Variants in SYNE1 observed in about 807,000 individuals in gnomAD.
SYNE1 encodes spectrin repeat containing nuclear envelope protein 1, also known as nesprin-1.
In SYNE1, 616 loss-of-function variants were observed where a neutral mutation model predicts 1,111.0. That is an observed-to-expected ratio of 0.55 (90% CI 0.52 to 0.59). The LOEUF (loss-of-function observed/expected upper bound fraction) is 0.59, where lower values mean the gene tolerates loss of function less well. Ranked by LOEUF, SYNE1 falls within the 20% of genes least tolerant of loss-of-function variation. The pLI, the probability that SYNE1 is intolerant of heterozygous loss-of-function variation, is 0.00. For synonymous variants in SYNE1, 3,855 were observed against 3,825.8 expected (o/e 1.01, Z -0.28); for missense variants, 10,006 against 10,417.0 (o/e 0.96, Z 1.72).
At chr6:152,173,437 T>C (rs1335644131) in intron 130 of SYNE1, among the ~76,000 whole-genome samples, 1 of 152,144 alleles carries the variant, frequency 6.6e-6, no homozygotes, top group African/African-American at 2.4e-5. Context: ...ATACACTGGG[T>C]TATATTTTGC....
chr6:152,315,905 T>TGATC (rs1332913521), intron 87 of SYNE1: 1 of 152,208 alleles, frequency 6.6e-6, no homozygotes, highest in Non-Finnish European at 1.5e-5. Context: ...AATGAGGCTT[T>TGATC]GATCTAGAAC....
intron 4 of SYNE1, among the ~76,000 whole-genome samples, chr6:152,528,610 G>C (rs2099177986): frequency 6.6e-6 from 1 of 152,156 alleles, no homozygotes; most frequent in Admixed American, 6.6e-5. Flanking sequence ...AGTGCTGAAG[G>C]TCAAAAGGGA....
At chr6:152,495,087 C>T (rs2098991876) in intron 11 of SYNE1, among the ~76,000 whole-genome samples, 1 of 152,160 alleles carries the variant, frequency 6.6e-6, no homozygotes, top group Admixed American at 6.5e-5. Flanking sequence ...GCCACTAGCC[C>T]TCCTCTTAGA....
chr6:152,621,546 T>G (rs1469057258), intron 3 of SYNE1, among the ~76,000 whole-genome samples: 1 of 152,028 alleles, frequency 6.6e-6, no homozygotes, highest in Non-Finnish European at 1.5e-5. Context: ...GATTTACATT[T>G]GACTGCTTGC....
At chr6:152,224,363 T>C in intron 117 of SYNE1, 131 bp downstream of exon 117, 1 of 932,936 alleles carries the variant, frequency 1.1e-6, no homozygotes, top group Non-Finnish European at 1.6e-6. Context: ...AAAATTAATT[T>C]TAAAGATCTT....
chr6:152,323,557 G>A lies in SYNE1; in HGVS notation c.15838C>T (p.Gln5280Ter). The A allele has an allele frequency of 3.7e-6, 6 of 1,614,232 alleles. No individual in the cohort carries two copies. The highest frequency in any genetic ancestry group is 5.1e-6 in the Non-Finnish European group (6 of 1,180,042). Residue 5280 changes from glutamine to a stop codon, truncating the protein, a stop_gained, in exon 82 of 146, where the codon CAG becomes TAG. Transcript: ENST00000367255. LOFTEE classifies it high-confidence loss of function. The part of the protein sequence containing the change: ...MLRQQTLSML[Q>*]DGAAPTPGEE... ...CCAGGGGTTGGGGCGGCTCCATCCT[G>A]GAGCATGCTCAGGGTTTGCTGCCGC...
intron 27 of SYNE1, among the ~76,000 whole-genome samples, chr6:152,449,998 G>C (rs2154249479): frequency 6.6e-6 from 1 of 152,320 alleles, no homozygotes; most frequent in Non-Finnish European, 1.5e-5. Context: ...TTAGGGATAT[G>C]AGATTATACA....
At chr6:152,554,293 C>T (rs2099357873) in intron 3 of SYNE1, among the ~76,000 whole-genome samples, 1 of 152,094 alleles carries the variant, frequency 6.6e-6, no homozygotes, top group Non-Finnish European at 1.5e-5. Flanking sequence ...GTTCGATACA[C>T]TGCATTCAAA....
intron 6 of SYNE1, among the ~76,000 whole-genome samples, chr6:152,513,353 A>ATT (rs371505304): frequency 6.6e-6 from 1 of 151,528 alleles, no homozygotes; most frequent in African/African-American, 2.4e-5. Context: ...ATCTAATCAG[A>ATT]TTTTTCTTTT....
intron 25 of SYNE1, 39 bp downstream of exon 25, chr6:152,453,547 A>G: frequency 1.9e-6 from 3 of 1,614,146 alleles, no homozygotes; most frequent in Non-Finnish European, 2.5e-6. Context: ...TTCTCCCTTC[A>G]TTGAGGATGC....
chr6:152,430,253 C>T (rs367950172), intron 35 of SYNE1, 43 bp from the exon 36 acceptor site: 24 of 1,467,260 alleles, frequency 1.6e-5, no homozygotes, highest in South Asian at 2.4e-5. Flanking sequence ...GGGAAAGATA[C>T]ATAGCAAGAC....
Position 152,360,208 on chromosome 6 carries a change from G to A in SYNE1, c.10300-750C>T, listed in dbSNP as rs73784330. Among the ~76,000 whole-genome samples, 729 of 152,262 alleles carry A rather than the reference G, an allele frequency of 4.8e-3. 6 individuals carry two copies. The highest frequency in any genetic ancestry group is 0.017 in the African/African-American group (691 of 41,552). ...GATCAAGTGGAAAATCCTCAGAGCA[G>A]CTGGCATGGCAATGGAGGATCAGGC... On this transcript the variant is annotated intron_variant, in intron 64 of 145. Transcript: ENST00000367255.
chr6:152,558,619 AG>A (rs1420450385), intron 3 of SYNE1, among the ~76,000 whole-genome samples: 2 of 152,210 alleles, frequency 1.3e-5, no homozygotes, highest in African/African-American at 4.8e-5. Flanking sequence ...TAATGACAAA[AG>A]GATCAATTCA....
intron 74 of SYNE1, among the ~76,000 whole-genome samples, chr6:152,342,398 T>C (rs1038284296): frequency 6.6e-6 from 1 of 152,218 alleles, no homozygotes; most frequent in Non-Finnish European, 1.5e-5. Flanking sequence ...AATAAAAAAG[T>C]AGAATATAGG....
chr6:152,337,049 C>T lies in SYNE1; in HGVS notation c.12352-32G>A, dbSNP rs750429876. The T allele has an allele frequency of 2.0e-5, 32 of 1,603,076 alleles. 1 individual carries two copies. The Admixed American group carries it at 4.8e-4, about 24-fold the overall frequency. On this transcript the variant is annotated intron_variant, in intron 75 of 145. Coordinates refer to ENST00000367255, the MANE Select transcript of SYNE1 (RefSeq NM_182961.4). ...AAAACACAGAGATAAAAGTTAGCAA[C>T]CATACATGGAAACATTTATGGTTAA... is the stretch of plus-strand genomic sequence containing the variant.
At chr6:152,582,673 G>A (rs1465926924) in intron 3 of SYNE1, among the ~76,000 whole-genome samples, 1 of 151,896 alleles carries the variant, frequency 6.6e-6, no homozygotes, top group South Asian at 2.1e-4. Context: ...GGCTTCTAGT[G>A]TACCCATTAC....
At chr6:152,170,853 A>T (rs2065022945) in intron 130 of SYNE1, among the ~76,000 whole-genome samples, 1 of 152,126 alleles carries the variant, frequency 6.6e-6, no homozygotes, top group African/African-American at 2.4e-5. Context: ...TAGCTCCCAC[A>T]ATTCCTATGC....
intron 37 of SYNE1, 39 bp downstream of exon 37, chr6:152,428,166 A>G (rs150587471): frequency 6.2e-7 from 1 of 1,609,236 alleles, no homozygotes; most frequent in East Asian, 2.2e-5. Flanking sequence ...AGAATTTCCT[A>G]TTTAGTAGTG....
chr6:152,152,167 T>C (rs772825537), intron 133 of SYNE1, 26 bp from the exon 134 acceptor site: 12 of 1,610,780 alleles, frequency 7.4e-6, no homozygotes, highest in East Asian at 2.2e-5. Context: ...AGCATATCAG[T>C]GTGAGAAATC....
Sources: gnomAD v4.1 joint callset for allele counts (sites outside exome capture counted in the v4.1 genomes callset) on GRCh38, gnomAD v4.1.1 for gene constraint, MANE v1.5 for transcripts, NCBI Gene and HGNC (gene_info 2026-07-23, HGNC 2026-07-21) for gene names.